EEFSEC: variants seen among roughly 807,000 people sequenced by gnomAD.
EEFSEC encodes the protein eukaryotic elongation factor, selenocysteine-tRNA specific, also known as selenocysteine-specific elongation factor.
In EEFSEC, 43 loss-of-function variants were observed where a neutral mutation model predicts 42.1. The ratio of observed to expected loss-of-function variants is 1.02; its 90% CI spans 0.80 to 1.32. The LOEUF is 1.32. Ranked by LOEUF, EEFSEC falls within the 40% of genes most tolerant of loss-of-function variation. The pLI is 0.00. For synonymous variants in EEFSEC, 354 were observed against 339.1 expected, an observed-to-expected ratio of 1.04 and a Z score of -0.48; for missense variants, 745 against 803.6, an observed-to-expected ratio of 0.93 and a Z score of 0.88.
intron 1 of EEFSEC, among the ~76,000 whole-genome samples, chr3:128,180,733 G>C (rs1026039730): frequency 6.6e-6 from 1 of 152,224 alleles, no homozygotes; most frequent in Non-Finnish European, 1.5e-5. Flanking sequence ...AGCAGGTCCA[G>C]AGCCAGCAGA....
At chr3:128,292,598 A>G (rs1341780649) in intron 4 of EEFSEC, among the ~76,000 whole-genome samples, 1 of 151,864 alleles carries the variant, frequency 6.6e-6, no homozygotes, top group Non-Finnish European at 1.5e-5. Flanking sequence ...CATAAAGTTA[A>G]TTGTAATATA....
At chr3:128,275,651 C>CA (rs1312152796) in intron 4 of EEFSEC, among the ~76,000 whole-genome samples, 2 of 152,242 alleles carry the variant, frequency 1.3e-5, no homozygotes, top group African/African-American at 4.8e-5. Flanking sequence ...CCCTGCTTCC[C>CA]AGGCAAGGCG....
chr3:128,311,975 T>G (rs2066894882), intron 4 of EEFSEC, among the ~76,000 whole-genome samples: 1 of 152,188 alleles, frequency 6.6e-6, no homozygotes, highest in African/African-American at 2.4e-5. Context: ...AACCTCTCTA[T>G]GTTGGAATCC....
intron 2 of EEFSEC, among the ~76,000 whole-genome samples, chr3:128,258,159 G>C (rs2066261785): frequency 6.6e-6 from 1 of 152,226 alleles, no homozygotes; most frequent in Non-Finnish European, 1.5e-5. Context: ...GAGAGAGGAG[G>C]AGGAAGGGAG....
chr3:128,238,034 A>C (rs906875356), intron 1 of EEFSEC, among the ~76,000 whole-genome samples: 1 of 152,198 alleles, frequency 6.6e-6, no homozygotes, highest in African/African-American at 2.4e-5. Flanking sequence ...AGCCCTTGGT[A>C]CTAGCGCTGC....
chr3:128,402,292 G>T (rs1391741372), intron 6 of EEFSEC, among the ~76,000 whole-genome samples: 1 of 152,196 alleles, frequency 6.6e-6, no homozygotes, highest in Non-Finnish European at 1.5e-5. Context: ...CAAAAATTTT[G>T]ATTGCTGCAT....
chr3:128,282,305 C>T (rs942134819), intron 4 of EEFSEC, among the ~76,000 whole-genome samples: 2 of 152,238 alleles, frequency 1.3e-5, no homozygotes, highest in African/African-American at 4.8e-5. Context: ...CTGCCGGCCT[C>T]GGTTCACAGG....
chr3:128,345,508 C>T, intron 5 of EEFSEC, among the ~76,000 whole-genome samples: 1 of 152,208 alleles, frequency 6.6e-6, no homozygotes, highest in East Asian at 1.9e-4. Context: ...TTCCTGGGCA[C>T]ATCACAGTTA....
At chr3:128,316,013 G>T (rs1024160823) in intron 4 of EEFSEC, among the ~76,000 whole-genome samples, 1 of 152,214 alleles carries the variant, frequency 6.6e-6, no homozygotes, top group Non-Finnish European at 1.5e-5. Context: ...TATGCAAGTA[G>T]TACGTGAAAT....
chr3:128,313,931 C>T (rs2066917017), intron 4 of EEFSEC, among the ~76,000 whole-genome samples: 1 of 152,198 alleles, frequency 6.6e-6, no homozygotes, highest in Non-Finnish European at 1.5e-5. Flanking sequence ...TGGTGATAAC[C>T]TCTGCATGTG....
Position 128,176,914 on chromosome 3 carries a change from G to A in EEFSEC, c.316+23091G>A, listed in dbSNP as rs115581148. 6.2e-3 allele frequency among the ~76,000 whole-genome samples: 947 copies of A among 151,958 alleles called. 8 individuals are homozygous for A. The highest frequency in any genetic ancestry group is 0.021 in the African/African-American group (886 of 41,430). On this transcript the variant is annotated intron_variant, in intron 1 of 6. Transcript: ENST00000254730. ...TCCCGGCCTCACATGACACTCCATT[G>A]CCAGCTATAAATGTGGTCTTCCCTG...
intron 4 of EEFSEC, among the ~76,000 whole-genome samples, chr3:128,331,472 C>T (rs1013340556): frequency 3.4e-5 from 5 of 148,646 alleles, no homozygotes; most frequent in Non-Finnish European, 7.4e-5. Context: ...TTCCTCAGTG[C>T]ATCTCCCCTC....
chr3:128,408,376 A>T lies in EEFSEC; in HGVS notation c.*117A>T. 1 of 1,138,630 alleles carries T rather than the reference A, an allele frequency of 8.8e-7. No individual in the cohort carries two copies. Among genetic ancestry groups the T allele is most frequent in the Non-Finnish European group, 1.2e-6 (1 of 814,382 alleles). 70.5% of individuals were successfully genotyped at this position (1,138,630 alleles called of 1,614,324 possible). On this transcript the variant is annotated 3_prime_UTR_variant, in exon 7 of 7. Coordinates refer to ENST00000254730, the MANE Select transcript of EEFSEC (RefSeq NM_021937.5). ...TCTCTCCCTGCAGTCCTGCAGCAGC[A>T]GCCCCCACCCCCAAGCTTGGTGCTG...
intron 1 of EEFSEC, among the ~76,000 whole-genome samples, chr3:128,189,762 G>A (rs544476871): frequency 1.3e-5 from 2 of 152,016 alleles, no homozygotes; most frequent in South Asian, 2.1e-4. Context: ...GTCTCACCAT[G>A]TTGCCCAGGC....
At chr3:128,365,675 A>G (rs2067581871) in intron 6 of EEFSEC, among the ~76,000 whole-genome samples, 2 of 152,032 alleles carry the variant, frequency 1.3e-5, no homozygotes, top group South Asian at 4.2e-4. Context: ...CCTACCACAG[A>G]GCACTGGGAA....
At chr3:128,409,317 G>A (rs377669328), downstream of EEFSEC, among the ~76,000 whole-genome samples, 37 of 152,290 alleles carry the variant, frequency 2.4e-4, no homozygotes, top group Admixed American at 7.8e-4. Flanking sequence ...TATTAACAGG[G>A]GCAGGTTTCG....
chr3:128,163,900 G>A (rs768530659), intron 1 of EEFSEC, among the ~76,000 whole-genome samples: 7 of 148,826 alleles, frequency 4.7e-5, no homozygotes, highest in South Asian at 2.1e-4. Flanking sequence ...CTCCCAAAGC[G>A]AGCATATGCT....
intron 6 of EEFSEC, among the ~76,000 whole-genome samples, chr3:128,362,883 T>C (rs908874948): frequency 1.3e-5 from 2 of 152,196 alleles, no homozygotes; most frequent in Non-Finnish European, 2.9e-5. Context: ...TAGCCAGAAT[T>C]CTCATTCAAA....
At chr3:128,212,156 C>G (rs2065765059) in intron 1 of EEFSEC, among the ~76,000 whole-genome samples, 1 of 152,206 alleles carries the variant, frequency 6.6e-6, no homozygotes, top group African/African-American at 2.4e-5. Context: ...CCACTGCGCC[C>G]AGCCAGAAAT....
Sources: allele counts gnomAD v4.1 joint callset (sites outside exome capture counted in the v4.1 genomes callset), GRCh38; gene constraint gnomAD v4.1.1; transcripts MANE v1.5; gene names NCBI Gene and HGNC (gene_info 2026-07-23, HGNC 2026-07-21).